The following PHTF1 variants were observed in gnomAD, a reference collection of about 807,000 sequenced individuals.
PHTF1 encodes putative homeodomain transcription factor 1.
In PHTF1, 88 loss-of-function variants were observed where a neutral mutation model predicts 102.4. The observed-to-expected ratio is 0.86, with a 90% confidence interval of 0.72 to 1.03. The LOEUF is 1.03. Ranked by LOEUF, PHTF1 falls within the 50% of genes least tolerant of loss-of-function variation. The pLI, the probability that PHTF1 is intolerant of heterozygous loss-of-function variation, is 0.00. For synonymous variants in PHTF1, 289 were observed against 305.2 expected (o/e 0.95, Z 0.55); for missense variants, 814 against 909.5 (o/e 0.89, Z 1.35).
chr1:113,755,092 T>G (rs1462241928), intron 3 of PHTF1, among the ~76,000 whole-genome samples: 3 of 152,040 alleles, frequency 2.0e-5, no homozygotes, highest in Non-Finnish European at 4.4e-5. Context: ...GAATTATACT[T>G]TTAAATATAT....
intron 5 of PHTF1, among the ~76,000 whole-genome samples, chr1:113,727,462 C>T: frequency 6.6e-6 from 1 of 152,164 alleles, no homozygotes; most frequent in African/African-American, 2.4e-5. Flanking sequence ...AATAGACACT[C>T]AATATTTGTT....
chr1:113,706,192 A>G (rs1571092832), intron 12 of PHTF1, 30 bp from the exon 13 acceptor site: 1 of 1,563,032 alleles, frequency 6.4e-7, no homozygotes, highest in Admixed American at 1.9e-5. Flanking sequence ...TTCCACCATT[A>G]TTGTGTTAGC....
rs931453868 is a variant in PHTF1 at position 113,757,707 on chromosome 1, G to A, written c.94C>T (p.Gln32Ter). ...CAAAGAAATCAATTTACCTTAATCT[G>A]AGTCTGTTCGATTGACTTTTCCCAT... The part of the protein sequence containing the change: ...QIWEKSIEQT[Q>*]IKGLKNKPKK... Residue 32 changes from glutamine to a stop codon, truncating the protein, a stop_gained, in exon 3 of 19, where the codon CAG (glutamine) becomes TAG (stop). Coordinates refer to ENST00000369604, the MANE Select transcript of PHTF1 (RefSeq NM_001323043.2). LOFTEE classifies it high-confidence loss of function. 6.2e-7 allele frequency: 1 copy of A among 1,601,784 alleles called. No homozygotes were observed. The highest frequency in any genetic ancestry group is 1.3e-5 in the African/African-American group (1 of 74,796).
intron 7 of PHTF1, chr1:113,714,853 C>G (rs1363492717): frequency 6.6e-6 from 1 of 152,328 alleles, no homozygotes; most frequent in East Asian, 1.9e-4. Flanking sequence ...CAGACCTGAC[C>G]CAGGCCAGTC....
rs772165964 is a variant in PHTF1 at position 113,757,710 on chromosome 1, T to C, written c.91A>G (p.Thr31Ala). The C allele has an allele frequency of 1.2e-6, 2 of 1,604,320 alleles. No individual in the cohort carries two copies. Among genetic ancestry groups the C allele is most frequent in the African/African-American group, 2.7e-5 (2 of 74,702 alleles). Residue 31 changes from threonine (T) to alanine (A), a missense_variant, in exon 3 of 19, where the codon ACT (threonine) becomes GCT (alanine). Physicochemically the swap from Thr to Ala is moderately conservative, Grantham distance 58. Coordinates refer to ENST00000369604, the MANE Select transcript of PHTF1 (RefSeq NM_001323043.2). ...QQIWEKSIEQTQIKGLKNKPK... is the reference protein window; with the variant it reads ...QQIWEKSIEQAQIKGLKNKPK... Reference sequence around the variant, plus strand: ...AGAAATCAATTTACCTTAATCTGAGTCTGTTCGATTGACTTTTCCCATATC... The same window carrying C: ...AGAAATCAATTTACCTTAATCTGAGCCTGTTCGATTGACTTTTCCCATATC...
intron 15 of PHTF1, among the ~76,000 whole-genome samples, chr1:113,701,555 G>C (rs1230649): frequency 2.0e-5 from 3 of 151,778 alleles, no homozygotes; most frequent in Admixed American, 2.0e-4. Context: ...ACAGAAACCT[G>C]GTGAAAAACA....
intron 10 of PHTF1, among the ~76,000 whole-genome samples, chr1:113,710,810 A>ATATAT (rs1170593121): frequency 2.4e-5 from 3 of 122,712 alleles, no homozygotes; most frequent in Non-Finnish European, 3.3e-5. Flanking sequence ...ATATATATAT[A>ATATAT]TTTTTTTTTT....
intron 8 of PHTF1, 104 bp from the exon 9 acceptor site, chr1:113,712,217 AAAAGT>A: frequency 1.2e-6 from 1 of 853,460 alleles, no homozygotes; most frequent in Admixed American, 2.7e-5. Flanking sequence ...ACCAAGCAGC[AAAAGT>A]AAACTAACCC....
chr1:113,757,672 T>C (rs372813124), intron 3 of PHTF1, 27 bp downstream of exon 3: 40 of 1,498,692 alleles, frequency 2.7e-5, no homozygotes, highest in African/African-American at 1.9e-4. Context: ...CAGTGAAACA[T>C]AGGCGGAATC....
At chr1:113,712,941 G>A (rs1005668471) in intron 8 of PHTF1, among the ~76,000 whole-genome samples, 5 of 152,018 alleles carry the variant, frequency 3.3e-5, no homozygotes, top group South Asian at 4.1e-4. Flanking sequence ...ACAGGCGCCC[G>A]CCAACACGCC....
rs188281655 is a variant in PHTF1, at chr1:113,733,209, C to A, written c.331+4901G>T. ...GAGCCACTGCCCCCCACCTAGATAA[C>A]AATTTTTAAAATTATAATAATGCTG... On this transcript the variant is annotated intron_variant, in intron 5 of 18. Coordinates refer to ENST00000369604, the MANE Select transcript of PHTF1 (RefSeq NM_001323043.2). Among the ~76,000 whole-genome samples the A allele has an allele frequency of 2.2e-3, 330 of 151,322 alleles. 6 individuals carry two copies. Among genetic ancestry groups the A allele is most frequent in the East Asian group, 5.6e-3 (29 of 5,146 alleles).
Position 113,706,151 on chromosome 1 carries a change from A to C in PHTF1, c.1410T>G (p.Tyr470Ter), listed in dbSNP as rs1167656042. 4 of 1,611,342 alleles carry C rather than the reference A, an allele frequency of 2.5e-6. No individual in the cohort carries two copies. Among genetic ancestry groups the C allele is most frequent in the Non-Finnish European group, 3.4e-6 (4 of 1,178,502 alleles). ...GCATCTGATAACCTACTCCTTGCTG[A>C]TAGGCATTGACCTGTGAATTAATTT... ...SGIIMSRVNA[Y>*]QQGVGYQMLG... Residue 470 changes from tyrosine to a stop codon, truncating the protein, a stop_gained, in exon 13 of 19, where the codon TAT (tyrosine) becomes TAG (stop). Transcript: ENST00000369604. LOFTEE classifies it high-confidence loss of function.
At chr1:113,738,591 A>C in intron 4 of PHTF1, 139 bp downstream of exon 4, 3 of 618,422 alleles carry the variant, frequency 4.9e-6, no homozygotes, top group East Asian at 2.8e-5. Flanking sequence ...AGGTGGAAAA[A>C]GTGCTAAAGC....
intron 3 of PHTF1, among the ~76,000 whole-genome samples, chr1:113,742,907 C>T (rs1656638266): frequency 2.6e-5 from 4 of 152,176 alleles, no homozygotes; most frequent in African/African-American, 9.7e-5. Context: ...GATCACAGCT[C>T]ACCACAATCT....
chr1:113,713,462 A>T (rs774973198), intron 7 of PHTF1, 24 bp from the exon 8 acceptor site: 201 of 1,373,316 alleles, frequency 1.5e-4, no homozygotes, highest in Non-Finnish European at 2.0e-4. Context: ...AAGGAAAAGA[A>T]GATTAATTTT....
At chr1:113,731,721 C>T (rs549481938) in intron 5 of PHTF1, among the ~76,000 whole-genome samples, 24 of 151,540 alleles carry the variant, frequency 1.6e-4, no homozygotes, top group Admixed American at 1.6e-3. Flanking sequence ...TGGCAAAACC[C>T]CCGTCTCTAC....
rs570941860 is a variant in PHTF1 at position 113,741,137 on chromosome 1, C to T, written c.103-2338G>A. Among the ~76,000 whole-genome samples, 5 of 152,228 alleles carry T rather than the reference C, an allele frequency of 3.3e-5. No homozygotes were observed. The South Asian group carries it at 6.2e-4, about 19-fold the overall frequency. On this transcript the variant is annotated intron_variant, in intron 3 of 18. Transcript: ENST00000369604. ...AATTAATGCCAAAATTAAAGGTTACCGTAATTTGCTGTTTACCTATTACAG... is the reference window on the plus strand; with the variant it reads ...AATTAATGCCAAAATTAAAGGTTACTGTAATTTGCTGTTTACCTATTACAG...
Position 113,758,645 on chromosome 1 carries a change from T to C in PHTF1, c.45+14A>G, listed in dbSNP as rs762430191. On this transcript the variant is annotated intron_variant, in intron 2 of 18. Transcript: ENST00000369604. ...GAATGCTTTACAAATAAAAAAAATA[T>C]ATATATGTATTACCTTCTTTTGGTA... 7.5e-6 allele frequency: 11 copies of C among 1,466,562 alleles called. No individual in the cohort carries two copies. In the Admixed American group the frequency reaches 1.3e-4, roughly 18 times the overall value. 90.8% of individuals were successfully genotyped at this position (1,466,562 alleles called of 1,614,324 possible).
chr1:113,755,661 C>G (rs1336230626), intron 3 of PHTF1, among the ~76,000 whole-genome samples: 1 of 152,152 alleles, frequency 6.6e-6, no homozygotes, highest in Non-Finnish European at 1.5e-5. Flanking sequence ...GAAACAAACA[C>G]ACTTCCTACC....
Sources: gnomAD v4.1 joint callset for allele counts (sites outside exome capture counted in the v4.1 genomes callset) on GRCh38, gnomAD v4.1.1 for gene constraint, MANE v1.5 for transcripts, NCBI Gene and HGNC (gene_info 2026-07-23, HGNC 2026-07-21) for gene names.